PMVK: variants seen among roughly 807,000 people sequenced by gnomAD.
The protein encoded by PMVK is testis tissue sperm-binding protein Li 95mP.
In PMVK, 10 loss-of-function variants were observed where a neutral mutation model predicts 19.0. The ratio of observed to expected loss-of-function variants is 0.53; its 90% CI spans 0.32 to 0.89. The LOEUF (loss-of-function observed/expected upper bound fraction) is 0.89. Among genes scored for constraint, PMVK ranks in the 40% least tolerant of loss-of-function variants. PMVK has a pLI of 0.03. For synonymous variants in PMVK, 108 were observed against 101.6 expected (o/e 1.06, Z -0.38); for missense variants, 222 against 251.1 (o/e 0.88, Z 0.78).
intron 1 of PMVK, among the ~76,000 whole-genome samples, chr1:154,934,988 G>A (rs1384822500): frequency 2.7e-5 from 4 of 148,002 alleles, no homozygotes; most frequent in African/African-American, 1.0e-4. Flanking sequence ...CTTGAACCCA[G>A]GAGACAGAGG....
At chr1:154,934,998 G>C (rs1654457011) in intron 1 of PMVK, among the ~76,000 whole-genome samples, 1 of 146,096 alleles carries the variant, frequency 6.8e-6, no homozygotes, top group Non-Finnish European at 1.5e-5. Context: ...GGAGACAGAG[G>C]TTGCGGTGAG....
chr1:154,929,265 C>T (rs1654266262), intron 2 of PMVK, 89 bp from the exon 3 acceptor site: 3 of 1,230,420 alleles, frequency 2.4e-6, no homozygotes, highest in South Asian at 2.5e-5. Flanking sequence ...CTCACCCTCA[C>T]CTGCCTCCCC....
At chr1:154,927,402 C>T (rs1249437451) in intron 3 of PMVK, among the ~76,000 whole-genome samples, 2 of 141,770 alleles carry the variant, frequency 1.4e-5, no homozygotes, top group African/African-American at 2.8e-5. Context: ...GAGCTGAGAT[C>T]GCGCCACCGC....
At position 154,925,026 on chromosome 1, in the gene PMVK, T is replaced by G; in HGVS notation, c.*103A>C. ...ACCCCCTCAGAATCTAGACCCCCCC[T>G]GTCTGTTCCTCACCTCGGCCAGGAT... is the stretch of plus-strand genomic sequence containing the variant. On this transcript the variant is annotated 3_prime_UTR_variant, in exon 5 of 5. Transcript: ENST00000368467. 1.4e-4 allele frequency: 53 copies of G among 377,776 alleles called. No homozygotes were observed. Among genetic ancestry groups the G allele is most frequent in the Non-Finnish European group, 1.7e-4 (45 of 259,438 alleles). The allele number at this position is 377,776 out of a possible 1,614,324, so 23.4% of individuals were successfully genotyped here.
At chr1:154,937,298 C>A (rs905425246), upstream of PMVK, 2 of 152,572 alleles carry the variant, frequency 1.3e-5, no homozygotes, top group African/African-American at 4.8e-5. Flanking sequence ...CACGTCATGT[C>A]GGGGGAGGAG....
At chr1:154,937,443 G>T (rs575095466), upstream of PMVK, 11 of 152,432 alleles carry the variant, frequency 7.2e-5, no homozygotes, top group African/African-American at 2.6e-4. Context: ...AAGGTTTTCG[G>T]AAGCAAACGG....
At chr1:154,933,642 C>T (rs1246504136) in intron 1 of PMVK, among the ~76,000 whole-genome samples, 4 of 150,956 alleles carry the variant, frequency 2.6e-5, no homozygotes, top group East Asian at 2.0e-4. Flanking sequence ...TACAGGCGCC[C>T]GCCACTACAC....
At chr1:154,930,470 T>A (rs1473741498) in intron 2 of PMVK, among the ~76,000 whole-genome samples, 2 of 151,898 alleles carry the variant, frequency 1.3e-5, no homozygotes, top group African/African-American at 2.4e-5. Context: ...CAAATATAAA[T>A]AAAATAAATA....
At chr1:154,929,330 C>T (rs1474130952) in intron 2 of PMVK, among the ~76,000 whole-genome samples, 154 bp from the exon 3 acceptor site, 1 of 152,192 alleles carries the variant, frequency 6.6e-6, no homozygotes, top group Non-Finnish European at 1.5e-5. Context: ...TCTGCAAGGG[C>T]AAGAGTCTCA....
At chr1:154,936,070 A>C (rs1250033635) in intron 1 of PMVK, among the ~76,000 whole-genome samples, 1 of 152,018 alleles carries the variant, frequency 6.6e-6, no homozygotes, top group East Asian at 1.9e-4. Flanking sequence ...CCTAACAAAG[A>C]GGTGAAGAGG....
At chr1:154,928,004 G>T (rs966746721) in intron 3 of PMVK, among the ~76,000 whole-genome samples, 1 of 152,104 alleles carries the variant, frequency 6.6e-6, no homozygotes, top group Non-Finnish European at 1.5e-5. Context: ...TGAAGGAAGA[G>T]ATTTCATTGC....
At chr1:154,932,550 T>A in intron 1 of PMVK, 135 bp from the exon 2 acceptor site, 1 of 591,048 alleles carries the variant, frequency 1.7e-6, no homozygotes, top group East Asian at 3.1e-5. Context: ...TAGGTCTCAA[T>A]GTCCCTGATC....
chr1:154,936,900 G>A, upstream of PMVK: 1 of 561,794 alleles, frequency 1.8e-6, no homozygotes, highest in Non-Finnish European at 3.2e-6. Flanking sequence ...GACACGCGGA[G>A]AGAAAGGCGG....
upstream of PMVK, among the ~76,000 whole-genome samples, chr1:154,940,846 CT>C (rs1406708065): frequency 2.0e-5 from 3 of 152,238 alleles, no homozygotes; most frequent in Non-Finnish European, 2.9e-5. Context: ...AACCAACACC[CT>C]TTCCTCCCAT....
At chr1:154,937,160 G>C (rs1654536046), upstream of PMVK, among the ~76,000 whole-genome samples, 1 of 152,170 alleles carries the variant, frequency 6.6e-6, no homozygotes, top group Non-Finnish European at 1.5e-5. Context: ...CGTTGGAGAC[G>C]TTTTGGAAAC....
chr1:154,932,410 C>T lies in PMVK; in HGVS notation c.101G>A (p.Gly34Glu). 1 of 1,610,484 alleles carries T rather than the reference C, an allele frequency of 6.2e-7. No homozygotes were observed. Among genetic ancestry groups the T allele is most frequent in the Non-Finnish European group, 8.5e-7 (1 of 1,177,958 alleles). The change falls in exon 2 of 5, where the codon GGA becomes GAA. Residue 34 changes from glycine to glutamate, a missense_variant. Gly to Glu is a moderately conservative substitution (Grantham distance 98). Transcript: ENST00000368467. ...CCGGAGGACAGCACAGACATCAGCT[C>T]CAAGTCTGCAGGACAGGGAGATCAG... is the stretch of plus-strand genomic sequence containing the variant. Reference protein sequence around the residue: ...FVTEALQSRLGADVCAVLRLS... With the variant: ...FVTEALQSRLEADVCAVLRLS...
In PMVK at chr1:154,932,335, C is replaced by A. The variant is rs1376070994; in HGVS notation, c.159+17G>T. 1 of 1,605,076 alleles carries A rather than the reference C, an allele frequency of 6.2e-7. No individual in the cohort carries two copies. Among genetic ancestry groups the A allele is most frequent in the African/African-American group, 1.3e-5 (1 of 74,580 alleles). ...CGGCCCCGCCCAACACACCGGATGCCACAAAGCACCACCTACCTGAGCATA... is the reference window on the plus strand; with the variant it reads ...CGGCCCCGCCCAACACACCGGATGCAACAAAGCACCACCTACCTGAGCATA... On this transcript the variant is annotated intron_variant, in intron 2 of 4. Transcript: ENST00000368467.
rs540468026 is a variant in PMVK at position 154,936,705 on chromosome 1, A to ATGCC, written c.-24_-21dup. On this transcript the variant is annotated 5_prime_UTR_variant, in exon 1 of 5. Transcript: ENST00000368467. ...GGCCATGGGGCCGCCACGCCTCGCGATGCCTGAAGCTGACACTTCTCCCTA... is the reference window on the plus strand; with the variant it reads ...GGCCATGGGGCCGCCACGCCTCGCGATGCCTGCCTGAAGCTGACACTTCTCCCTA... 6.5e-4 allele frequency: 1,025 copies of ATGCC among 1,584,606 alleles called. 8 individuals carry two copies. The East Asian group carries it at 0.015, about 24-fold the overall frequency.
At chr1:154,938,177 C>A (rs538011159), upstream of PMVK, 3 of 152,386 alleles carry the variant, frequency 2.0e-5, no homozygotes, top group South Asian at 6.2e-4. Flanking sequence ...TCCACATCTC[C>A]TGTTTTACCT....
Sources: allele counts gnomAD v4.1 joint callset (sites outside exome capture counted in the v4.1 genomes callset), GRCh38; gene constraint gnomAD v4.1.1; transcripts MANE v1.5; gene names NCBI Gene and HGNC (gene_info 2026-07-23, HGNC 2026-07-21).